The following CLEC16A variants were observed in gnomAD, a reference collection of about 807,000 sequenced individuals.
CLEC16A encodes protein CLEC16A.
CLEC16A carries 51 observed loss-of-function variants against 109.5 expected under a neutral mutation model. The observed-to-expected ratio is 0.47, with a 90% CI of 0.37 to 0.59. The LOEUF is 0.59. Ranked by LOEUF, CLEC16A falls within the 20% of genes least tolerant of loss-of-function variation. The pLI, the probability that CLEC16A is intolerant of heterozygous loss-of-function variation, is 0.00. For synonymous variants in CLEC16A, 673 were observed against 564.2 expected, an observed-to-expected ratio of 1.19 and a Z score of -2.73; for missense variants, 1,339 against 1,394.0, an observed-to-expected ratio of 0.96 and a Z score of 0.63.
intron 4 of CLEC16A, among the ~76,000 whole-genome samples, chr16:10,969,815 G>C (rs918752869): frequency 2.0e-5 from 3 of 152,188 alleles, no homozygotes; most frequent in African/African-American, 7.2e-5. Flanking sequence ...CCTTAAGGAA[G>C]TCCCAGTCCC....
chr16:10,948,176 A>C (rs1208169308), intron 1 of CLEC16A, among the ~76,000 whole-genome samples: 1 of 152,226 alleles, frequency 6.6e-6, no homozygotes, highest in African/African-American at 2.4e-5. Flanking sequence ...TACAGGCATG[A>C]GCCACTGCAC....
intron 11 of CLEC16A, among the ~76,000 whole-genome samples, chr16:11,008,644 C>T (rs1443885163): frequency 2.6e-5 from 4 of 151,666 alleles, no homozygotes; most frequent in South Asian, 2.1e-4. Flanking sequence ...TGGTAAAATA[C>T]GTATAACAAA....
At chr16:11,119,956 T>TTTGTG (rs535090597) in intron 19 of CLEC16A, among the ~76,000 whole-genome samples, 132 of 90,586 alleles carry the variant, frequency 1.5e-3, no homozygotes, top group African/African-American at 5.8e-3. Flanking sequence ...GTTGTTTTGT[T>TTTGTG]TTGTGTTGTG....
At chr16:11,016,251 C>G (rs1409970295) in intron 11 of CLEC16A, among the ~76,000 whole-genome samples, 1 of 151,972 alleles carries the variant, frequency 6.6e-6, no homozygotes, top group African/African-American at 2.4e-5. Flanking sequence ...CACTAGGTGC[C>G]TGAAGGAGGC....
intron 19 of CLEC16A, among the ~76,000 whole-genome samples, chr16:11,104,862 A>C (rs1403396763): frequency 3.3e-5 from 5 of 152,142 alleles, no homozygotes; most frequent in Admixed American, 6.5e-5. Context: ...GGGTAGAGAG[A>C]CCCTGACCAC....
At chr16:11,116,840 G>A (rs990268037) in intron 19 of CLEC16A, among the ~76,000 whole-genome samples, 42 of 152,162 alleles carry the variant, frequency 2.8e-4, no homozygotes, top group African/African-American at 9.9e-4. Context: ...TGGGGTGATG[G>A]AAGTATTCCA....
chr16:11,152,925 C>T (rs1359065185), intron 22 of CLEC16A, among the ~76,000 whole-genome samples: 1 of 152,100 alleles, frequency 6.6e-6, no homozygotes, highest in Non-Finnish European at 1.5e-5. Context: ...ATTCATGGCT[C>T]TAAAACCGTG....
At chr16:11,150,442 T>C (rs1456727432) in intron 22 of CLEC16A, 2 of 152,338 alleles carry the variant, frequency 1.3e-5, no homozygotes, top group African/African-American at 4.8e-5. Flanking sequence ...TGCGTTTCTT[T>C]GGCTGAGTGA....
intron 5 of CLEC16A, chr16:10,971,528 G>C: frequency 1.0e-6 from 1 of 983,250 alleles, no homozygotes; most frequent in Non-Finnish European, 1.2e-6. Context: ...AGAAAGCAAA[G>C]TTGTCTTTTT....
chr16:11,157,201 C>G (rs1270187449), intron 22 of CLEC16A: 3 of 1,247,940 alleles, frequency 2.4e-6, no homozygotes, highest in African/African-American at 1.6e-5. Context: ...GAAAAGCAAT[C>G]AGAAATAAAA....
intron 14 of CLEC16A, 138 bp from the exon 15 acceptor site, chr16:11,042,116 T>C (rs926355337): frequency 1.3e-5 from 8 of 621,502 alleles, no homozygotes; most frequent in Non-Finnish European, 2.3e-5. Flanking sequence ...GTTCCCACTG[T>C]GTCCCCACTG....
At chr16:10,975,733 A>T (rs1007120949) in intron 7 of CLEC16A, among the ~76,000 whole-genome samples, 1 of 151,986 alleles carries the variant, frequency 6.6e-6, no homozygotes, top group East Asian at 1.9e-4. Context: ...CTGCAACCCA[A>T]TCTCCCAGAT....
chr16:11,174,182 A>T lies in CLEC16A; in HGVS notation c.2807-4153A>T, dbSNP rs750901846. On this transcript the variant is annotated intron_variant, in intron 23 of 23. Transcript: ENST00000409790. The surrounding 1 kb of genome is among the most constrained non-coding windows in gnomAD (Gnocchi z 4.7). Reference sequence around the variant, plus strand: ...GGAGTGGCAGGAAAGGACGCCGACGAGTGTTCAGCCTGTCGGAGGCCGACA... The same window carrying T: ...GGAGTGGCAGGAAAGGACGCCGACGTGTGTTCAGCCTGTCGGAGGCCGACA... 5 of 469,872 alleles carry T rather than the reference A, an allele frequency of 1.1e-5. No homozygotes were observed. The highest frequency in any genetic ancestry group is 7.7e-5 in the South Asian group (5 of 64,558). 29.1% of individuals were successfully genotyped at this position (469,872 alleles called of 1,614,324 possible).
chr16:11,114,171 G>A (rs1482504406), intron 19 of CLEC16A, among the ~76,000 whole-genome samples: 1 of 146,840 alleles, frequency 6.8e-6, no homozygotes, highest in Non-Finnish European at 1.5e-5. Flanking sequence ...GTGTGTGTGT[G>A]TGTGTGTTTA....
At chr16:11,156,587 C>T (rs1039518058) in intron 22 of CLEC16A, 7 of 1,304,038 alleles carry the variant, frequency 5.4e-6, no homozygotes, top group South Asian at 3.7e-5. Context: ...TGCTGACTGC[C>T]GCAGTAGAGA....
At chr16:10,970,787 C>T (rs1478418907) in intron 4 of CLEC16A, among the ~76,000 whole-genome samples, 2 of 152,202 alleles carry the variant, frequency 1.3e-5, no homozygotes, top group African/African-American at 4.8e-5. Flanking sequence ...TGCTCTGTTG[C>T]CCAGCCTGGC....
chr16:10,950,099 C>T (rs758121880), intron 1 of CLEC16A, among the ~76,000 whole-genome samples: 1 of 152,210 alleles, frequency 6.6e-6, no homozygotes, highest in Non-Finnish European at 1.5e-5. Flanking sequence ...AAGAGTGGGT[C>T]GGCTGTTAGC....
In CLEC16A at chr16:10,954,539, C is replaced by T. The variant is rs1224679157; in HGVS notation, c.81-3243C>T. Reference sequence around the variant, plus strand: ...CCAACACCACCAAAATAGGTAGATACTAAAGTATTCAGGTACCATTGCTGT... The same window carrying T: ...CCAACACCACCAAAATAGGTAGATATTAAAGTATTCAGGTACCATTGCTGT... On this transcript the variant is annotated intron_variant, in intron 1 of 23. Transcript: ENST00000409790. The surrounding 1 kb of genome is among the most constrained non-coding windows in gnomAD (Gnocchi z 4.2). 6.6e-6 allele frequency among the ~76,000 whole-genome samples: 1 copy of T among 152,170 alleles called. No homozygotes were observed. The highest frequency in any genetic ancestry group is 2.1e-4 in the South Asian group (1 of 4,832).
chr16:11,026,074 C>T (rs577076654), intron 13 of CLEC16A, among the ~76,000 whole-genome samples: 1 of 152,294 alleles, frequency 6.6e-6, no homozygotes, highest in African/African-American at 2.4e-5. Context: ...AATGTGTGAG[C>T]AAATCATAGA....
Sources: gnomAD v4.1 joint callset for allele counts (sites outside exome capture counted in the v4.1 genomes callset) on GRCh38, gnomAD v4.1.1 for gene constraint, Gnocchi (gnomAD v3.1) non-coding constraint, MANE v1.5 for transcripts, NCBI Gene and HGNC (gene_info 2026-07-23, HGNC 2026-07-21) for gene names.